Variants in TTN observed in about 807,000 individuals in gnomAD.
The protein encoded by TTN is connectin.
In TTN, 1,525 loss-of-function variants were observed where a neutral mutation model predicts 3,223.0. The ratio of observed to expected loss-of-function variants is 0.47; its 90% CI spans 0.45 to 0.49. The LOEUF is 0.49. Among genes scored for constraint, TTN ranks in the 20% least tolerant of loss-of-function variants. The probability of loss-of-function intolerance (pLI) is 0.00; values close to 1 mark genes in which losing one functional copy is unlikely to be tolerated. For missense variants in TTN, 40,786 were observed against 43,424.0 expected (o/e 0.94, Z 5.40); for synonymous variants, 14,094 against 15,161.0 (o/e 0.93, Z 5.17).
chr2:178,552,597 G>T lies in TTN; in HGVS notation c.90303C>A (p.Phe30101Leu). ...SQLKEQSVLE[F>L]RVFAKNEKGL... ...CTTTCTCATTTTTGGCAAACACTCTGAACTCCAGGACTGACTGCTCCTTAA... is the reference window on the plus strand; with the variant it reads ...CTTTCTCATTTTTGGCAAACACTCTTAACTCCAGGACTGACTGCTCCTTAA... Residue 30101 changes from phenylalanine (F) to leucine (L), a missense_variant, in exon 335 of 363, where the codon TTC becomes TTA. By Grantham distance (22) the Phe-to-Leu change is conservative. Transcript: ENST00000589042. The T allele has an allele frequency of 3.1e-6, 5 of 1,613,854 alleles. No individual in the cohort carries two copies. The highest frequency in any genetic ancestry group is 4.2e-6 in the Non-Finnish European group (5 of 1,179,804).
intron 21 of TTN, among the ~76,000 whole-genome samples, chr2:178,780,619 C>T (rs2092680443): frequency 1.3e-5 from 2 of 152,186 alleles, no homozygotes; most frequent in Non-Finnish European, 2.9e-5. Flanking sequence ...TAAATGTGAA[C>T]AGTCTAGCAT....
chr2:178,562,545 G>A lies in TTN; in HGVS notation c.83587C>T (p.Pro27863Ser), dbSNP rs768816071. 3.7e-6 allele frequency: 6 copies of A among 1,610,306 alleles called. No homozygotes were observed. The East Asian group carries it at 8.9e-5, about 24-fold the overall frequency. Residue 27863 changes from proline (P) to serine (S), a missense_variant, in exon 326 of 363, where the codon CCA becomes TCA. By Grantham distance (74) the Pro-to-Ser change is moderately conservative. Coordinates refer to ENST00000589042, the MANE Select transcript of TTN (RefSeq NM_001267550.2). ...ETTEPVKVSE[P>S]PLPPGRVTLV... ...GTTACTCTTCCAGGTGGGAGGGGTG[G>A]TTCAGACACTTTAACGGGTTCTGTT...
At chr2:178,789,540 T>C in intron 12 of TTN, 43 bp from the exon 13 acceptor site, 1 of 1,611,436 alleles carries the variant, frequency 6.2e-7, no homozygotes, top group Non-Finnish European at 8.5e-7. Context: ...GAACAGGGCT[T>C]CAAACACACA....
rs1165830858 is a variant in TTN, at chr2:178,529,351, A to C, written c.106532-132T>G. 4 of 601,058 alleles carry C rather than the reference A, an allele frequency of 6.7e-6. No individual in the cohort carries two copies. The East Asian group carries it at 1.2e-4, about 18-fold the overall frequency. 37.2% of individuals were successfully genotyped at this position (601,058 alleles called of 1,614,324 possible). A position where few individuals can be genotyped will look rare whatever the true frequency, so the allele number is the denominator to read the frequency against. ...CTTCATGCAATGTAGGTAATACCTAATACTTTCTCAGTTCCACTTTTGGAA... is the reference window on the plus strand; with the variant it reads ...CTTCATGCAATGTAGGTAATACCTACTACTTTCTCAGTTCCACTTTTGGAA... On this transcript the variant is annotated intron_variant, in intron 359 of 362. Coordinates refer to ENST00000589042, the MANE Select transcript of TTN (RefSeq NM_001267550.2).
At chr2:178,676,889 TAA>T (rs1358665983) in intron 147 of TTN, among the ~76,000 whole-genome samples, 1 of 151,652 alleles carries the variant, frequency 6.6e-6, no homozygotes, top group Non-Finnish European at 1.5e-5. Context: ...TCAATACATT[TAA>T]ATATATAGTA....
At chr2:178,607,706 T>C (rs776767594) in intron 276 of TTN, 21 bp from the exon 277 acceptor site, 2 of 1,612,418 alleles carry the variant, frequency 1.2e-6, no homozygotes, top group African/African-American at 1.3e-5. Flanking sequence ...AGAACAGTCA[T>C]GCATTAGCCC....
rs146738622 is a variant in TTN at position 178,707,824 on chromosome 2, A to G, written c.28754-11T>C. 153 of 1,570,470 alleles carry G rather than the reference A, an allele frequency of 9.7e-5. No homozygotes were observed. The East Asian group carries it at 3.4e-3, about 35-fold the overall frequency. On this transcript the variant is annotated splice_polypyrimidine_tract_variant and intron_variant, in intron 99 of 362. Coordinates refer to ENST00000589042, the MANE Select transcript of TTN (RefSeq NM_001267550.2). ...GTGGCTTCTTAGGTTCTGGAATTGA[A>G]AAGGTATTTTCATGAGGAACATAAA...
rs1227248928 is a variant in TTN at position 178,589,827 on chromosome 2, A to G, written c.61898T>C (p.Leu20633Ser). ...VTKRLIKANL[L>S]ANNEYYFRVC... ...TCGGAAATAGTATTCATTGTTGGCT[A>G]AAAGGTTGGCCTTGATTAATCGTTT... The change falls in exon 304 of 363, where the codon TTA becomes TCA. Residue 20633 changes from leucine to serine, a missense_variant. Physicochemically the swap from Leu to Ser is moderately radical, Grantham distance 145. Coordinates refer to ENST00000589042, the MANE Select transcript of TTN (RefSeq NM_001267550.2). The G allele has an allele frequency of 5.6e-6, 9 of 1,613,568 alleles. No individual in the cohort carries two copies. Among genetic ancestry groups the G allele is most frequent in the Non-Finnish European group, 7.6e-6 (9 of 1,179,612 alleles).
At position 178,568,882 on chromosome 2, in the gene TTN, T is replaced by G. The variant is rs577052647; in HGVS notation, c.77250A>C (p.Arg25750=). ...TAATTACTGCCTGAAGAGACTTTAC[T>G]CGAGCACACTCTGACCATTTCTCAC... The part of the protein sequence containing the change: ...KHSEKWSECA[R]VKSLQAVITN... Residue 25750 remains arginine, a synonymous_variant, in exon 326 of 363, where the codon CGA becomes CGC. Coordinates refer to ENST00000589042, the MANE Select transcript of TTN (RefSeq NM_001267550.2). 2 of 1,613,152 alleles carry G rather than the reference T, an allele frequency of 1.2e-6. No homozygotes were observed. The highest frequency in any genetic ancestry group is 3.3e-5 in the Admixed American group (2 of 59,984).
chr2:178,675,054 C>A lies in TTN; in HGVS notation c.34597G>T (p.Val11533Phe). ...KRIILPKEEE[V>F]LPVEVTEEPE... The stretch of plus-strand genomic sequence containing the variant: ...AGTTATCTACCTTCAACTGGTAGAA[C>A]TTCCTCTTCTTTAGGGAGAATGATT... The change falls in exon 150 of 363, where the codon GTT (valine) becomes TTT (phenylalanine). Residue 11533 changes from valine (V) to phenylalanine (F), a missense_variant. Transcript: ENST00000589042. The A allele has an allele frequency of 6.5e-7, 1 of 1,541,358 alleles. No homozygotes were observed. The highest frequency in any genetic ancestry group is 8.7e-7 in the Non-Finnish European group (1 of 1,151,144).
At chr2:178,527,394 C>G (rs1686910234) in intron 362 of TTN, 52 bp downstream of exon 362, 1 of 1,590,186 alleles carries the variant, frequency 6.3e-7, no homozygotes, top group African/African-American at 1.3e-5. Context: ...GTACTAAAGA[C>G]TACACCATGT....
rs1041202552 is a variant in TTN, at chr2:178,609,716, G to A, written c.51707C>T (p.Ala17236Val). The A allele has an allele frequency of 1.9e-6, 3 of 1,606,224 alleles. No individual in the cohort carries two copies. The highest frequency in any genetic ancestry group is 2.6e-6 in the Non-Finnish European group (3 of 1,174,762). ...ATCTACAGCTTTGGTTGGAGGAGTA[G>A]CCCGAGAAGGTTCACTAATACCCGC... ...NAAGISEPSR[A>V]TPPTKAVDPI... Residue 17236 changes from alanine (A) to valine (V), a missense_variant, in exon 272 of 363, where the codon GCT becomes GTT. Transcript: ENST00000589042.
rs953177976 is a variant in TTN at position 178,713,145 on chromosome 2, T to C, written c.26989A>G (p.Thr8997Ala). ...MLEESDSGDY[T>A]CIATNMAGSD... ...CCAGCCATATTAGTAGCTATACATG[T>C]GTAGTCACCACTGTCTGATTCTTCC... Residue 8997 changes from threonine (T) to alanine (A), a missense_variant, in exon 93 of 363, where the codon ACA becomes GCA. Coordinates refer to ENST00000589042, the MANE Select transcript of TTN (RefSeq NM_001267550.2). 1.2e-6 allele frequency: 2 copies of C among 1,613,692 alleles called. No homozygotes were observed. Among genetic ancestry groups the C allele is most frequent in the African/African-American group, 2.7e-5 (2 of 74,912 alleles).
intron 213 of TTN, 134 bp downstream of exon 213, chr2:178,649,114 C>T (rs989570966): frequency 2.9e-6 from 2 of 683,744 alleles, no homozygotes; most frequent in Non-Finnish European, 4.5e-6. Flanking sequence ...ATTTTTTTCC[C>T]TTCATTATTT....
At chr2:178,625,152 CTT>C (rs756328435) in intron 241 of TTN, 119 bp downstream of exon 241, 209 of 1,359,162 alleles carry the variant, frequency 1.5e-4, no homozygotes, top group Non-Finnish European at 1.9e-4. Flanking sequence ...TAAAATCAGA[CTT>C]TTGATTATTT....
At chr2:178,628,045 A>T (rs967511611) in intron 240 of TTN, among the ~76,000 whole-genome samples, 1 of 152,094 alleles carries the variant, frequency 6.6e-6, no homozygotes. Context: ...CTTAATTCCC[A>T]TGCTACAAAT....
In TTN at chr2:178,740,073, A is replaced by G; in HGVS notation, c.13160T>C (p.Ile4387Thr). 6.2e-7 allele frequency: 1 copy of G among 1,612,238 alleles called. No individual in the cohort carries two copies. The highest frequency in any genetic ancestry group is 8.5e-7 in the Non-Finnish European group (1 of 1,178,368). Reference protein sequence around the residue: ...LLSKESLLSGIPEEQRLNLKI... With the variant: ...LLSKESLLSGTPEEQRLNLKI... Reference sequence around the variant, plus strand: ...CAGGTTTAATCTCTGCTCTTCTGGAATACCAGAAAGCAAGCTTTCCTTAGA... The same window carrying G: ...CAGGTTTAATCTCTGCTCTTCTGGAGTACCAGAAAGCAAGCTTTCCTTAGA... The change falls in exon 48 of 363, where the codon ATT (isoleucine) becomes ACT (threonine). Residue 4387 changes from isoleucine to threonine, a missense_variant. Ile to Thr is a moderately conservative substitution (Grantham distance 89, BLOSUM62 -1). Transcript: ENST00000589042.
Position 178,683,295 on chromosome 2 carries a change from TA to T in TTN, c.32807-5del. The T allele has an allele frequency of 6.7e-7, 1 of 1,491,038 alleles. No individual in the cohort carries two copies. Among genetic ancestry groups the T allele is most frequent in the Non-Finnish European group, 9.1e-7 (1 of 1,102,924 alleles). The allele number at this position is 1,491,038 out of a possible 1,614,324, so 92.4% of individuals were successfully genotyped here. A position where few individuals can be genotyped will look rare whatever the true frequency, so the allele number is the denominator to read the frequency against. On this transcript the variant is annotated splice_region_variant and splice_polypyrimidine_tract_variant and intron_variant, in intron 133 of 362. Transcript: ENST00000589042. ...ACTCTTTTTCTGAATTCAGTCACTT[TA>T]AAGGAGTAATTATTAAAAGTGAATT...
chr2:178,613,351 G>T, intron 263 of TTN, 75 bp from the exon 264 acceptor site: 2 of 1,106,618 alleles, frequency 1.8e-6, no homozygotes, highest in Non-Finnish European at 2.6e-6. Context: ...TTACACAGAA[G>T]AGACTAATTT....
Sources: allele counts gnomAD v4.1 joint callset (sites outside exome capture counted in the v4.1 genomes callset), GRCh38; gene constraint gnomAD v4.1.1; transcripts MANE v1.5; gene names NCBI Gene and HGNC (gene_info 2026-07-23, HGNC 2026-07-21).